SAMD11: variants seen among roughly 807,000 people sequenced by gnomAD.
SAMD11 encodes the protein sterile alpha motif domain containing 11, also known as sterile alpha motif domain-containing protein 11.
A neutral mutation model predicts 64.4 loss-of-function variants in SAMD11; 77 were observed. The observed-to-expected ratio is 1.20, with a 90% CI of 0.99 to 1.44. SAMD11 has a LOEUF of 1.44. Among genes scored for constraint, SAMD11 ranks in the 40% most tolerant of loss-of-function variants. The pLI is 0.00. For missense variants in SAMD11, 1,402 were observed against 943.3 expected (o/e 1.49, Z -6.37); for synonymous variants, 658 against 421.9 (o/e 1.56, Z -6.86).
chr1:927,474 C>T (rs1167649429), intron 2 of SAMD11, among the ~76,000 whole-genome samples: 1 of 152,188 alleles, frequency 6.6e-6, no homozygotes, highest in African/African-American at 2.4e-5. Flanking sequence ...GGTCCCTGCC[C>T]TGCGTGAGGG....
rs1303020682 is a variant in SAMD11 at position 942,544 on chromosome 1, C to T, written c.1554-15C>T. ...GGCCCGGGAGGCGGCTGACCCGCGT[C>T]TGCCCCCGGCCCAGGCTGGAGCTGC... On this transcript the variant is annotated splice_polypyrimidine_tract_variant and intron_variant, in intron 10 of 13. Transcript: ENST00000616016. 7.1e-7 allele frequency: 1 copy of T among 1,404,326 alleles called. No homozygotes were observed. Among genetic ancestry groups the T allele is most frequent in the Non-Finnish European group, 9.2e-7 (1 of 1,088,636 alleles). The allele number at this position is 1,404,326 out of a possible 1,614,324, so 87.0% of individuals were successfully genotyped here.
At chr1:932,255 C>T (rs76964081) in intron 4 of SAMD11, among the ~76,000 whole-genome samples, 26,125 of 152,192 alleles carry the variant, frequency 0.17, 2,720 homozygotes, top group South Asian at 0.28. Flanking sequence ...GAAACCCAGC[C>T]GCGGTCCCCC....
Position 944,334 on chromosome 1 carries a change from G to A in SAMD11, c.*181G>A, listed in dbSNP as rs549000335. On this transcript the variant is annotated 3_prime_UTR_variant, in exon 14 of 14. Transcript: ENST00000616016. ...AAAGACTTGGGGGAGTGAAGGCAGA[G>A]CCTGGTGCAGATGGACGAGGTCTGC... 1.5e-5 allele frequency: 21 copies of A among 1,382,620 alleles called. No homozygotes were observed. Among genetic ancestry groups the A allele is most frequent in the Middle Eastern group, 5.3e-4 (2 of 3,792 alleles). 85.6% of individuals were successfully genotyped at this position (1,382,620 alleles called of 1,614,324 possible). A position where few individuals can be genotyped will look rare whatever the true frequency, so the allele number is the denominator to read the frequency against.
intron 2 of SAMD11, among the ~76,000 whole-genome samples, chr1:927,524 G>C (rs1053086207): frequency 2.0e-5 from 3 of 152,180 alleles, no homozygotes; most frequent in African/African-American, 7.2e-5. Context: ...GTCCCTCCCA[G>C]GCCTGTCCCA....
At chr1:933,287 A>G (rs1641255174) in intron 4 of SAMD11, among the ~76,000 whole-genome samples, 2 of 152,216 alleles carry the variant, frequency 1.3e-5, no homozygotes, top group African/African-American at 4.8e-5. Context: ...AGTGACCAGA[A>G]CAGGTTTTCA....
chr1:933,748 G>GT (rs1641279049), intron 4 of SAMD11, among the ~76,000 whole-genome samples: 1 of 151,840 alleles, frequency 6.6e-6, no homozygotes, highest in Non-Finnish European at 1.5e-5. Flanking sequence ...GCCTGGGGGG[G>GT]GCTTCCTTTC....
chr1:943,088 A>G, intron 11 of SAMD11, 30 bp downstream of exon 11: 1 of 1,548,150 alleles, frequency 6.5e-7, no homozygotes, highest in Non-Finnish European at 8.7e-7. Flanking sequence ...AGATCCTTCC[A>G]GAGGGCACAG....
At chr1:932,984 G>C (rs1641239424) in intron 4 of SAMD11, among the ~76,000 whole-genome samples, 1 of 152,216 alleles carries the variant, frequency 6.6e-6, no homozygotes, top group South Asian at 2.1e-4. Context: ...TGCGTGGGCA[G>C]CTGGGGTCAC....
At chr1:938,890 TG>T in intron 5 of SAMD11, 149 bp from the exon 6 acceptor site, 2 of 707,794 alleles carry the variant, frequency 2.8e-6, no homozygotes, top group East Asian at 2.7e-5. Context: ...CGCTGAAGGC[TG>T]GGGCTGCCAG....
At position 943,360 on chromosome 1, in the gene SAMD11, T is replaced by A. The variant is rs1214532268; in HGVS notation, c.2161T>A (p.Cys721Ser). 1.3e-6 allele frequency: 2 copies of A among 1,577,108 alleles called. No individual in the cohort carries two copies. The highest frequency in any genetic ancestry group is 2.3e-5 in the South Asian group (2 of 86,554). ...VCSFVGGLSGCGEYTRVFREQ... is the reference protein window; with the variant it reads ...VCSFVGGLSGSGEYTRVFREQ... ...CAGCTTCGTGGGGGGCCTGTCTGGC[T>A]GTGGAGAGTACACTCGGGTAAGGGG... Residue 721 changes from cysteine (C) to serine (S), a missense_variant, in exon 12 of 14, where the codon TGT becomes AGT. By Grantham distance (112) the Cys-to-Ser change is moderately radical (BLOSUM62 -1). Coordinates refer to ENST00000616016, the MANE Select transcript of SAMD11 (RefSeq NM_001385641.1).
intron 9 of SAMD11, 41 bp from the exon 10 acceptor site, chr1:942,369 C>T (rs1215841019): frequency 1.6e-6 from 2 of 1,256,522 alleles, no homozygotes; most frequent in African/African-American, 1.6e-5. Flanking sequence ...GCTCGGACCG[C>T]CTCGGACCCC....
Position 939,116 on chromosome 1 carries a change from C to A in SAMD11, c.1044C>A (p.Ser348Arg). The A allele has an allele frequency of 6.3e-7, 1 of 1,595,442 alleles. No individual in the cohort carries two copies. Among genetic ancestry groups the A allele is most frequent in the Non-Finnish European group, 8.5e-7 (1 of 1,171,044 alleles). ...SDCFSEKRAR[S>R]ESPQEALLLP... ...GCTTTTCAGAGAAGAGGGCACGAAGCGAATCGCCTCAAGGTAAGAGCGTGG... is the reference window on the plus strand; with the variant it reads ...GCTTTTCAGAGAAGAGGGCACGAAGAGAATCGCCTCAAGGTAAGAGCGTGG... Residue 348 changes from serine (S) to arginine (R), a missense_variant, in exon 6 of 14, where the codon AGC becomes AGA. Coordinates refer to ENST00000616016, the MANE Select transcript of SAMD11 (RefSeq NM_001385641.1).
In SAMD11 at chr1:933,723, G is replaced by A. The variant is rs146290397; in HGVS notation, c.843-2049G>A. 1.4e-3 allele frequency among the ~76,000 whole-genome samples: 200 copies of A among 144,756 alleles called. 1 individual carries two copies. The highest frequency in any genetic ancestry group is 4.8e-3 in the African/African-American group (193 of 40,020). The allele number at this position is 144,756 out of a possible 152,430, so 95.0% of individuals were successfully genotyped here. On this transcript the variant is annotated intron_variant, in intron 4 of 13. Transcript: ENST00000616016. ...CCCATAAAGTACTTACTCCCACCCAGCTGCCTTCCTATGTGCCTGGGGGGG... is the reference window on the plus strand; with the variant it reads ...CCCATAAAGTACTTACTCCCACCCAACTGCCTTCCTATGTGCCTGGGGGGG...
chr1:943,477 C>G (rs1641941475), intron 12 of SAMD11, 100 bp downstream of exon 12: 2 of 1,123,000 alleles, frequency 1.8e-6, no homozygotes, highest in Non-Finnish European at 2.5e-6. Flanking sequence ...CCAACGCCCT[C>G]TCCCTCCCCA....
intron 11 of SAMD11, 25 bp from the exon 12 acceptor site, chr1:943,228 C>G (rs754929495): frequency 1.9e-6 from 3 of 1,612,436 alleles, no homozygotes; most frequent in Non-Finnish European, 1.7e-6. Flanking sequence ...CAGCCAGAGC[C>G]CTAGTAACAC....
chr1:938,728 G>A (rs1326247130), intron 5 of SAMD11, among the ~76,000 whole-genome samples: 1 of 152,178 alleles, frequency 6.6e-6, no homozygotes, highest in East Asian at 1.9e-4. Context: ...CTAGGGGGAT[G>A]AGAGGGGGGC....
chr1:932,163 G>C (rs1255499804), intron 4 of SAMD11, among the ~76,000 whole-genome samples: 1 of 152,238 alleles, frequency 6.6e-6, no homozygotes, highest in Non-Finnish European at 1.5e-5. Context: ...TCATTTTTAT[G>C]AACTGTCATG....
chr1:931,918 G>A lies in SAMD11; in HGVS notation c.842+829G>A, dbSNP rs113982713. On this transcript the variant is annotated intron_variant, in intron 4 of 13. Coordinates refer to ENST00000616016, the MANE Select transcript of SAMD11 (RefSeq NM_001385641.1). ...AGCCCAGCTGTGGATTCTGTCAATG[G>A]GGTCAGGTCTCACCCTGTGGCTTCC... 4.7e-3 allele frequency among the ~76,000 whole-genome samples: 719 copies of A among 152,290 alleles called. 7 individuals carry two copies. Among genetic ancestry groups the A allele is most frequent in the African/African-American group, 0.017 (694 of 41,560 alleles).
intron 2 of SAMD11, 25 bp from the exon 3 acceptor site, chr1:930,130 C>T: frequency 6.5e-7 from 1 of 1,547,100 alleles, no homozygotes; most frequent in Non-Finnish European, 8.7e-7. Flanking sequence ...TCCTGCCCCA[C>T]CTTCCTCTCC....
Sources: gnomAD v4.1 joint callset for allele counts (sites outside exome capture counted in the v4.1 genomes callset) on GRCh38, gnomAD v4.1.1 for gene constraint, MANE v1.5 for transcripts, NCBI Gene and HGNC (gene_info 2026-07-23, HGNC 2026-07-21) for gene names.